Variants in PAPOLA observed in about 807,000 individuals in gnomAD.
The protein encoded by PAPOLA is polynucleotide adenylyltransferase alpha.
In PAPOLA, 15 loss-of-function variants were observed where a neutral mutation model predicts 100.6. The observed-to-expected ratio is 0.15, with a 90% CI of 0.10 to 0.23. The LOEUF (loss-of-function observed/expected upper bound fraction) is 0.23, where lower values mean the gene tolerates loss of function less well. PAPOLA is among the 10% of genes least tolerant of loss of function. The probability of loss-of-function intolerance (pLI) is 1.00; values close to 1 mark genes in which losing one functional copy is unlikely to be tolerated. For missense variants in PAPOLA, 533 were observed against 884.2 expected, an observed-to-expected ratio of 0.60 and a Z score of 5.04; for synonymous variants, 293 against 300.0, an observed-to-expected ratio of 0.98 and a Z score of 0.24.
intron 7 of PAPOLA, chr14:96,532,123 A>G (rs562461837): frequency 7.3e-7 from 1 of 1,369,668 alleles, no homozygotes; most frequent in East Asian, 2.8e-5. Flanking sequence ...ACAATAGGAG[A>G]TAAATGCTTT....
chr14:96,564,985 C>T lies in PAPOLA; in HGVS notation c.2173C>T (p.Pro725Ser). ...ATCCAGTACAGACCTTTCTGATATC[C>T]CTGCTCTCCCTGCAAATCCTATTCC... ...KTSSTDLSDI[P>S]ALPANPIPVI... is the part of the protein sequence containing the mutation. The change falls in exon 22 of 22, where the codon CCT becomes TCT. Residue 725 changes from proline to serine, a missense_variant. This residue lies in a region of PAPOLA where 242 missense variants were observed against 281.0 expected (regional missense o/e 0.86). Coordinates refer to ENST00000216277, the MANE Select transcript of PAPOLA (RefSeq NM_032632.5). 1.3e-6 allele frequency: 2 copies of T among 1,597,058 alleles called. No homozygotes were observed. Among genetic ancestry groups the T allele is most frequent in the Non-Finnish European group, 1.7e-6 (2 of 1,164,782 alleles).
chr14:96,519,777 C>G (rs1270887553), intron 1 of PAPOLA, among the ~76,000 whole-genome samples: 2 of 152,170 alleles, frequency 1.3e-5, no homozygotes, highest in Non-Finnish European at 2.9e-5. Context: ...TGAAATTTCT[C>G]AGAAGTTTAC....
chr14:96,540,565 C>G lies in PAPOLA; in HGVS notation c.1116-1678C>G, dbSNP rs192157003. On this transcript the variant is annotated intron_variant, in intron 12 of 21. Coordinates refer to ENST00000216277, the MANE Select transcript of PAPOLA (RefSeq NM_032632.5). ...ACATAAAATACATGATTTTTTAATG[C>G]TTTTATATGACTTTTGTTGATTTAT... Among the ~76,000 whole-genome samples the G allele has an allele frequency of 4.7e-3, 712 of 152,074 alleles. 4 individuals are homozygous for G. The highest frequency in any genetic ancestry group is 8.6e-3 in the Non-Finnish European group (584 of 67,960).
rs1432251569 is a variant in PAPOLA, at chr14:96,566,498, TATCACATGTGC to T, written c.*1451_*1461del. On this transcript the variant is annotated 3_prime_UTR_variant, in exon 22 of 22. Coordinates refer to ENST00000216277, the MANE Select transcript of PAPOLA (RefSeq NM_032632.5). ...ATGAATCCTCCATTGTGCTCCATTC[TATCACATGTGC>T]ATTTTTCATGTTAAACTGCAATTAC... is the stretch of plus-strand genomic sequence containing the variant. The T allele has an allele frequency of 6.6e-6, 1 of 152,608 alleles. No individual in the cohort carries two copies. Among genetic ancestry groups the T allele is most frequent in the African/African-American group, 2.4e-5 (1 of 41,454 alleles). 9.5% of individuals were successfully genotyped at this position (152,608 alleles called of 1,614,324 possible).
At chr14:96,531,715 C>A in intron 7 of PAPOLA, 129 bp downstream of exon 7, 1 of 1,510,254 alleles carries the variant, frequency 6.6e-7, no homozygotes. Flanking sequence ...ATAAAATGAA[C>A]TTTGCCTAAT....
chr14:96,532,306 G>GTGTGTGTT (rs1555393362), intron 7 of PAPOLA, 25 bp from the exon 8 acceptor site: 2 of 1,250,382 alleles, frequency 1.6e-6, no homozygotes, highest in African/African-American at 3.0e-5. Context: ...GTGTGTGTGT[G>GTGTGTGTT]TTTTTTTTTA....
chr14:96,563,018 A>G, intron 21 of PAPOLA, 125 bp downstream of exon 21: 1 of 604,054 alleles, frequency 1.7e-6, no homozygotes, highest in Admixed American at 3.1e-5. Flanking sequence ...ATTACTTGCT[A>G]GCCTATAAAC....
intron 6 of PAPOLA, 81 bp from the exon 7 acceptor site, chr14:96,531,394 T>C (rs1246649985): frequency 1.2e-5 from 13 of 1,114,338 alleles, no homozygotes; most frequent in Non-Finnish European, 1.7e-5. Context: ...AGTGCTGGGA[T>C]TTTTTGTTTG....
At chr14:96,533,384 T>A (rs2140286366) in intron 9 of PAPOLA, 1 of 982,636 alleles carries the variant, frequency 1.0e-6, no homozygotes, top group African/African-American at 1.7e-5. Context: ...CTAGTAATTT[T>A]ATAAAAATTA....
intron 19 of PAPOLA, among the ~76,000 whole-genome samples, chr14:96,559,596 TAC>T (rs1220536430): frequency 2.7e-5 from 4 of 145,538 alleles, no homozygotes; most frequent in African/African-American, 7.6e-5. Context: ...TATATATATA[TAC>T]ACACACACAT....
intron 20 of PAPOLA, among the ~76,000 whole-genome samples, chr14:96,561,214 T>A (rs537234858): frequency 6.6e-6 from 1 of 152,260 alleles, no homozygotes; most frequent in East Asian, 1.9e-4. Context: ...GGGGCTTGAA[T>A]GAGGTGTAGA....
chr14:96,510,015 A>C (rs796582358), intron 1 of PAPOLA, among the ~76,000 whole-genome samples: 15 of 143,556 alleles, frequency 1.0e-4, no homozygotes, highest in African/African-American at 4.0e-4. Context: ...GGCCTGCTGA[A>C]CTGTATAGCA....
At chr14:96,545,545 A>G (rs753670326) in intron 15 of PAPOLA, among the ~76,000 whole-genome samples, 5 of 151,894 alleles carry the variant, frequency 3.3e-5, no homozygotes, top group Non-Finnish European at 5.9e-5. Flanking sequence ...AAAATACTCT[A>G]TTTTTTGTTT....
chr14:96,558,898 G>A (rs1901577003), intron 19 of PAPOLA, among the ~76,000 whole-genome samples: 1 of 151,962 alleles, frequency 6.6e-6, no homozygotes, highest in Non-Finnish European at 1.5e-5. Flanking sequence ...TTAAAAAATA[G>A]GCTGTTTGTT....
chr14:96,520,863 C>T (rs895868899), intron 2 of PAPOLA, 143 bp from the exon 3 acceptor site: 6 of 562,856 alleles, frequency 1.1e-5, no homozygotes, highest in African/African-American at 3.8e-5. Context: ...AGAGAGAGAG[C>T]GAGCGAGCGT....
chr14:96,506,823 T>G (rs1019541387), intron 1 of PAPOLA, among the ~76,000 whole-genome samples: 2 of 152,224 alleles, frequency 1.3e-5, no homozygotes, highest in Non-Finnish European at 2.9e-5. Context: ...GAGTGCAAGG[T>G]AAACCAGATT....
intron 6 of PAPOLA, 139 bp from the exon 7 acceptor site, chr14:96,531,336 T>A: frequency 1.6e-6 from 1 of 631,076 alleles, no homozygotes; most frequent in Non-Finnish European, 2.8e-6. Flanking sequence ...TTCGCCATGT[T>A]GCCCAGGCTG....
chr14:96,527,844 A>G lies in PAPOLA; in HGVS notation c.442-109A>G. On this transcript the variant is annotated intron_variant, in intron 5 of 21. Transcript: ENST00000216277. ...TCTGATCTGTCTGATCGAACAGCCC[A>G]GTCTTAAAGCTAGCTATTTTTGTGT... The G allele has an allele frequency of 5.0e-6, 4 of 794,126 alleles. No individual in the cohort carries two copies. The Admixed American group carries it at 6.9e-5, about 14-fold the overall frequency. The allele number at this position is 794,126 out of a possible 1,614,324, so 49.2% of individuals were successfully genotyped here.
At chr14:96,560,465 A>G (rs906728424) in intron 19 of PAPOLA, 184 bp from the exon 20 acceptor site, 1 of 508,628 alleles carries the variant, frequency 2.0e-6, no homozygotes, top group South Asian at 3.1e-5. Context: ...TTTATTAGCT[A>G]CTGAAGCCAA....
Sources: gnomAD v4.1 joint callset for allele counts (sites outside exome capture counted in the v4.1 genomes callset) on GRCh38, gnomAD v4.1.1 for gene constraint, gnomAD v4.1.1 regional missense constraint, MANE v1.5 for transcripts, NCBI Gene and HGNC (gene_info 2026-07-23, HGNC 2026-07-21) for gene names.